Variants in EPB41L2 observed in about 807,000 individuals in gnomAD.
EPB41L2 encodes the protein band 4.1-like protein 2.
A neutral mutation model predicts 113.0 loss-of-function variants in EPB41L2; 43 were observed. The ratio of observed to expected loss-of-function variants is 0.38; its 90% confidence interval spans 0.30 to 0.49. The LOEUF (loss-of-function observed/expected upper bound fraction) is 0.49, where lower values mean the gene tolerates loss of function less well. Among genes scored for constraint, EPB41L2 ranks in the 20% least tolerant of loss-of-function variants. The probability of loss-of-function intolerance (pLI) is 0.95; values close to 1 mark genes in which losing one functional copy is unlikely to be tolerated. For missense variants in EPB41L2, 1,147 were observed against 1,223.4 expected, an observed-to-expected ratio of 0.94 and a Z score of 0.93; for synonymous variants, 442 against 436.7, an observed-to-expected ratio of 1.01 and a Z score of -0.15.
intron 1 of EPB41L2, among the ~76,000 whole-genome samples, chr6:131,002,636 G>A (rs1403375165): frequency 3.3e-5 from 5 of 152,138 alleles, no homozygotes; most frequent in Admixed American, 6.5e-5. Flanking sequence ...CATTTTAAAA[G>A]GTTAATGGAT....
chr6:130,865,446 G>A, intron 17 of EPB41L2, 90 bp downstream of exon 17: 2 of 1,264,410 alleles, frequency 1.6e-6, no homozygotes, highest in Admixed American at 2.0e-5. Context: ...TATCTTACTT[G>A]GAAGTGTGTA....
intron 1 of EPB41L2, among the ~76,000 whole-genome samples, chr6:131,061,808 A>C (rs971142907): frequency 6.6e-6 from 1 of 152,182 alleles, no homozygotes; most frequent in African/African-American, 2.4e-5. Flanking sequence ...CCGTTGAAAA[A>C]AACAATAAAA....
chr6:130,894,984 T>G lies in EPB41L2; in HGVS notation c.1372A>C (p.Lys458Gln). ...TGGCTTACCTCTGCCGGTCTGACTT[T>G]AATGTAGAAGTTACTGCGTTTATAG... ...ISYKRSNFYIKVRPAELEQFE... is the reference protein window; with the variant it reads ...ISYKRSNFYIQVRPAELEQFE... The change falls in exon 9 of 20, where the codon AAA (lysine) becomes CAA (glutamine). Residue 458 changes from lysine (K) to glutamine (Q), a missense_variant. Coordinates refer to ENST00000337057, the MANE Select transcript of EPB41L2 (RefSeq NM_001431.4). 6.2e-7 allele frequency: 1 copy of G among 1,613,708 alleles called. No homozygotes were observed. The highest frequency in any genetic ancestry group is 8.5e-7 in the Non-Finnish European group (1 of 1,179,734).
At position 130,898,689 on chromosome 6, in the gene EPB41L2, C is replaced by T. The variant is rs987886210; in HGVS notation, c.1236+802G>A. 3.3e-5 allele frequency among the ~76,000 whole-genome samples: 5 copies of T among 152,010 alleles called. 1 individual carries two copies. The South Asian group carries it at 8.3e-4, about 25-fold the overall frequency. Reference sequence around the variant, plus strand: ...TACCCTGTGACTCTCGTTAGTATACCGAACGTTTATGCTTGCAAAAAAAAT... The same window carrying T: ...TACCCTGTGACTCTCGTTAGTATACTGAACGTTTATGCTTGCAAAAAAAAT... On this transcript the variant is annotated intron_variant, in intron 8 of 19. Transcript: ENST00000337057.
At chr6:130,937,605 G>A (rs9375783) in intron 3 of EPB41L2, among the ~76,000 whole-genome samples, 5 of 152,054 alleles carry the variant, frequency 3.3e-5, no homozygotes, top group Non-Finnish European at 7.4e-5. Flanking sequence ...TGGACCGTGA[G>A]GTCAGGAGTT....
chr6:131,005,190 T>C (rs7767569), intron 1 of EPB41L2, among the ~76,000 whole-genome samples: 20,099 of 151,926 alleles, frequency 0.13, 2,568 homozygotes, highest in African/African-American at 0.33. Context: ...TTTTTTTTTT[T>C]TTTAACCTTC....
rs9492795 is a variant in EPB41L2, at chr6:131,058,877, A to G, written c.-15+4278T>C. On this transcript the variant is annotated intron_variant, in intron 1 of 19. Coordinates refer to ENST00000337057, the MANE Select transcript of EPB41L2 (RefSeq NM_001431.4). ...CTAAAAATACAAAAATTAGCCGGGC[A>G]TGGTGGCACACGCCTGTAATTCCAG... 6.2e-3 allele frequency among the ~76,000 whole-genome samples: 947 copies of G among 152,218 alleles called. 15 individuals are homozygous for G. Among genetic ancestry groups the G allele is most frequent in the African/African-American group, 0.021 (889 of 41,536 alleles).
intron 1 of EPB41L2, among the ~76,000 whole-genome samples, chr6:130,957,762 C>G (rs904437003): frequency 6.6e-6 from 1 of 152,026 alleles, no homozygotes; most frequent in Admixed American, 6.6e-5. Context: ...TTAAAGTATA[C>G]AGTTAGTGAT....
At chr6:130,948,978 C>CAGTTAAACAATTAATAG (rs1298914795) in intron 3 of EPB41L2, among the ~76,000 whole-genome samples, 1 of 152,132 alleles carries the variant, frequency 6.6e-6, no homozygotes, top group Non-Finnish European at 1.5e-5. Context: ...ATAAACTAAG[C>CAGTTAAACAATTAATAG]AGTTAAACAA....
chr6:131,022,665 G>C (rs1371307004), intron 1 of EPB41L2, among the ~76,000 whole-genome samples: 1 of 152,138 alleles, frequency 6.6e-6, no homozygotes, highest in Non-Finnish European at 1.5e-5. Flanking sequence ...AAGCACTCTA[G>C]TTATATCACT....
intron 1 of EPB41L2, among the ~76,000 whole-genome samples, chr6:130,993,624 G>T (rs1043958743): frequency 1.3e-5 from 2 of 152,140 alleles, no homozygotes; most frequent in African/African-American, 4.8e-5. Flanking sequence ...CGATCTTCAG[G>T]GGGTATGTGT....
chr6:130,957,565 C>G (rs1583927578), intron 1 of EPB41L2, among the ~76,000 whole-genome samples: 1 of 150,502 alleles, frequency 6.6e-6, no homozygotes, highest in African/African-American at 2.5e-5. Context: ...GAGTCTGAGA[C>G]AAGAAACATG....
At chr6:130,847,043 A>G (rs1464226613) in intron 19 of EPB41L2, among the ~76,000 whole-genome samples, 1 of 152,210 alleles carries the variant, frequency 6.6e-6, no homozygotes, top group East Asian at 1.9e-4. Flanking sequence ...TGATAAATTC[A>G]TATTACTAAA....
chr6:130,938,264 C>T (rs1809572964), intron 3 of EPB41L2, among the ~76,000 whole-genome samples: 1 of 152,160 alleles, frequency 6.6e-6, no homozygotes, highest in Non-Finnish European at 1.5e-5. Flanking sequence ...TTTGAGATAT[C>T]TCAGTTTTTA....
intron 5 of EPB41L2, among the ~76,000 whole-genome samples, chr6:130,907,039 A>G (rs891177654): frequency 6.6e-6 from 1 of 152,174 alleles, no homozygotes; most frequent in African/African-American, 2.4e-5. Flanking sequence ...TTTGGCTTCC[A>G]AAAGTTAGGA....
At chr6:130,853,074 A>T (rs1779216482) in intron 19 of EPB41L2, among the ~76,000 whole-genome samples, 1 of 152,192 alleles carries the variant, frequency 6.6e-6, no homozygotes, top group South Asian at 2.1e-4. Context: ...TGAAGAGCAG[A>T]CCTTATTTTA....
At chr6:131,043,498 A>G (rs1794827946) in intron 1 of EPB41L2, among the ~76,000 whole-genome samples, 1 of 152,158 alleles carries the variant, frequency 6.6e-6, no homozygotes, top group Non-Finnish European at 1.5e-5. Context: ...GTTAAACTAC[A>G]TAGGGATGGA....
At chr6:130,935,702 T>C (rs779171379) in intron 3 of EPB41L2, among the ~76,000 whole-genome samples, 8 of 152,332 alleles carry the variant, frequency 5.3e-5, no homozygotes, top group South Asian at 4.1e-4. Context: ...CATTCATAAC[T>C]ACACACGAAT....
intron 1 of EPB41L2, among the ~76,000 whole-genome samples, chr6:130,983,440 A>C (rs1354352081): frequency 6.6e-6 from 1 of 152,036 alleles, no homozygotes; most frequent in African/African-American, 2.4e-5. Flanking sequence ...CTACACATCT[A>C]GGCTAGATGG....
Sources: allele counts gnomAD v4.1 joint callset (sites outside exome capture counted in the v4.1 genomes callset), GRCh38; gene constraint gnomAD v4.1.1; transcripts MANE v1.5; gene names NCBI Gene and HGNC (gene_info 2026-07-23, HGNC 2026-07-21).